AFAP1: variants seen among roughly 807,000 people sequenced by gnomAD.
AFAP1 encodes actin filament-associated protein 1.
Under a neutral mutation model 93.9 loss-of-function variants are expected in AFAP1, and 75 were observed. The ratio of observed to expected loss-of-function variants is 0.80; its 90% CI spans 0.66 to 0.97. The LOEUF is 0.97. Among genes scored for constraint, AFAP1 ranks in the 50% least tolerant of loss-of-function variants. The pLI is 0.00. For synonymous variants in AFAP1, 517 were observed against 430.7 expected (o/e 1.20, Z -2.48); for missense variants, 1,201 against 1,050.8 (o/e 1.14, Z -1.98).
intron 10 of AFAP1, among the ~76,000 whole-genome samples, chr4:7,798,641 A>T (rs1461261592): frequency 1.3e-5 from 2 of 152,206 alleles, no homozygotes; most frequent in African/African-American, 4.8e-5. Flanking sequence ...CTGTCGTGTC[A>T]TTCAGGAAAC....
Position 7,810,232 on chromosome 4 carries a change from C to G in AFAP1, c.905-469G>C, listed in dbSNP as rs765146673. ...GTTGGTCTAGATGCTGGGATTTCAG[C>G]ACAACACAGGGCTGCTGGTAGGAAG... On this transcript the variant is annotated intron_variant, in intron 8 of 17. Coordinates refer to ENST00000420658, the MANE Select transcript of AFAP1 (RefSeq NM_001134647.2). Among the ~76,000 whole-genome samples the G allele has an allele frequency of 1.4e-4, 22 of 152,296 alleles. No individual in the cohort carries two copies. The Middle Eastern group carries it at 0.014, about 94-fold the overall frequency.
At chr4:7,826,225 C>T (rs1007731103) in intron 6 of AFAP1, among the ~76,000 whole-genome samples, 10 of 152,192 alleles carry the variant, frequency 6.6e-5, no homozygotes, top group Admixed American at 1.3e-4. Flanking sequence ...CAGTCACCTG[C>T]CAACTCTCTC....
At chr4:7,831,607 G>T (rs1711628029) in intron 6 of AFAP1, among the ~76,000 whole-genome samples, 1 of 152,170 alleles carries the variant, frequency 6.6e-6, no homozygotes, top group Non-Finnish European at 1.5e-5. Flanking sequence ...CCCTCTCCCA[G>T]TGACACTCCA....
Position 7,874,530 on chromosome 4 carries a change from A to ATTTT in AFAP1, c.-2-2454_-2-2451dup, listed in dbSNP as rs71175435. ...AGGCACCTACCACCATGCCCAGCTA[A>ATTTT]TTTTTTTTTTTTTTTTTTTTTTTTT... On this transcript the variant is annotated intron_variant, in intron 1 of 17. Transcript: ENST00000420658. Among the ~76,000 whole-genome samples, 459 of 51,466 alleles carry ATTTT rather than the reference A, an allele frequency of 8.9e-3. 40 individuals carry two copies. The highest frequency in any genetic ancestry group is 9.9e-3 in the Non-Finnish European group (328 of 32,990). The allele number at this position is 51,466 out of a possible 152,430, so 33.8% of individuals were successfully genotyped here.
At chr4:7,935,229 A>G (rs538071883) in intron 1 of AFAP1, among the ~76,000 whole-genome samples, 1 of 152,302 alleles carries the variant, frequency 6.6e-6, no homozygotes, top group African/African-American at 2.4e-5. Context: ...TTTGATCCTC[A>G]AAACAATCTC....
intron 9 of AFAP1, 97 bp from the exon 10 acceptor site, chr4:7,800,750 G>A: frequency 1.7e-6 from 2 of 1,193,448 alleles, no homozygotes; most frequent in Non-Finnish European, 1.2e-6. Flanking sequence ...GGATGGGAGT[G>A]TGGATAAAAC....
intron 1 of AFAP1, among the ~76,000 whole-genome samples, chr4:7,936,683 G>C (rs969328533): frequency 4.0e-5 from 6 of 151,312 alleles, no homozygotes; most frequent in African/African-American, 1.5e-4. Flanking sequence ...CCAGGTTCAA[G>C]TAATTCTCCT....
rs1713728395 is a variant in AFAP1, at chr4:7,761,152, A to C, written c.*2613T>G. ...GTCTAATATGTACAGATATAAATTA[A>C]AAACTATATTTATTGAACATATACA... On this transcript the variant is annotated 3_prime_UTR_variant, in exon 18 of 18. Transcript: ENST00000420658. The C allele has an allele frequency of 6.6e-6, 1 of 152,162 alleles. No homozygotes were observed. Among genetic ancestry groups the C allele is most frequent in the Non-Finnish European group, 1.5e-5 (1 of 67,996 alleles). 9.4% of individuals were successfully genotyped at this position (152,162 alleles called of 1,614,324 possible).
At chr4:7,886,487 G>T (rs1378637688) in intron 1 of AFAP1, among the ~76,000 whole-genome samples, 1 of 152,194 alleles carries the variant, frequency 6.6e-6, no homozygotes, top group African/African-American at 2.4e-5. Flanking sequence ...TTATAAAAGG[G>T]ATCTGTGCAT....
chr4:7,847,799 G>GGGGGC (rs1713910497), intron 4 of AFAP1, among the ~76,000 whole-genome samples: 1 of 149,086 alleles, frequency 6.7e-6, no homozygotes, highest in African/African-American at 2.5e-5. Context: ...TACTCGGGGT[G>GGGGGC]GGGCATTGAT....
chr4:7,860,248 T>A (rs1025649906), intron 3 of AFAP1, among the ~76,000 whole-genome samples: 5 of 152,182 alleles, frequency 3.3e-5, no homozygotes, highest in African/African-American at 1.2e-4. Context: ...GGACCAGAAA[T>A]GTTTCTGATT....
chr4:7,928,790 A>T (rs759974904), intron 1 of AFAP1, among the ~76,000 whole-genome samples: 2 of 152,030 alleles, frequency 1.3e-5, no homozygotes, highest in Non-Finnish European at 2.9e-5. Flanking sequence ...AGCACTTCAT[A>T]CTCGTCCCAC....
intron 4 of AFAP1, among the ~76,000 whole-genome samples, chr4:7,851,967 A>C (rs1233531003): frequency 6.6e-6 from 1 of 152,226 alleles, no homozygotes; most frequent in Non-Finnish European, 1.5e-5. Context: ...ACTCATTTAC[A>C]GCAAATCAAG....
intron 1 of AFAP1, among the ~76,000 whole-genome samples, chr4:7,931,077 G>T (rs1015901253): frequency 2.0e-5 from 3 of 152,136 alleles, no homozygotes; most frequent in African/African-American, 7.2e-5. Flanking sequence ...ATACTGAGAG[G>T]ATAGGGGAGA....
In AFAP1 at chr4:7,762,043, C is replaced by T. The variant is rs1245308877; in HGVS notation, c.*1722G>A. On this transcript the variant is annotated 3_prime_UTR_variant, in exon 18 of 18. Transcript: ENST00000420658. ...ACCCAAAACCGTTCCCAGCAGATGGCTTTGCAATCAATTCAAGTTCAGGTG... is the reference window on the plus strand; with the variant it reads ...ACCCAAAACCGTTCCCAGCAGATGGTTTTGCAATCAATTCAAGTTCAGGTG... The T allele has an allele frequency of 6.6e-6, 1 of 152,240 alleles. No individual in the cohort carries two copies. The highest frequency in any genetic ancestry group is 1.5e-5 in the Non-Finnish European group (1 of 68,064). 9.4% of individuals were successfully genotyped at this position (152,240 alleles called of 1,614,324 possible).
intron 14 of AFAP1, chr4:7,775,890 T>C (rs1339217246): frequency 1.3e-5 from 2 of 152,198 alleles, no homozygotes. Context: ...AATGAATAAA[T>C]GAAGAGGAAA....
intron 3 of AFAP1, among the ~76,000 whole-genome samples, chr4:7,858,690 G>A (rs561093887): frequency 5.9e-5 from 9 of 152,272 alleles, no homozygotes; most frequent in East Asian, 3.9e-4. Flanking sequence ...AGACGCAGGC[G>A]CACAGCCACT....
At chr4:7,859,142 T>C (rs1715395186) in intron 3 of AFAP1, among the ~76,000 whole-genome samples, 1 of 152,122 alleles carries the variant, frequency 6.6e-6, no homozygotes, top group Admixed American at 6.6e-5. Flanking sequence ...GTCCTTGGGT[T>C]GGGCGCGGTG....
At chr4:7,894,880 T>C (rs755323213) in intron 1 of AFAP1, among the ~76,000 whole-genome samples, 12 of 152,116 alleles carry the variant, frequency 7.9e-5, no homozygotes, top group African/African-American at 1.4e-4. Flanking sequence ...GGAAGGGCCA[T>C]GGGCTGATCT....
Sources: allele counts gnomAD v4.1 joint callset (sites outside exome capture counted in the v4.1 genomes callset), GRCh38; gene constraint gnomAD v4.1.1; transcripts MANE v1.5; gene names NCBI Gene and HGNC (gene_info 2026-07-23, HGNC 2026-07-21).